The following DOCK5 variants were observed in gnomAD, a reference collection of about 807,000 sequenced individuals.
DOCK5 encodes dedicator of cytokinesis protein 5.
Under a neutral mutation model 251.8 loss-of-function variants are expected in DOCK5, and 142 were observed. That is an observed-to-expected ratio of 0.56 (90% confidence interval 0.49 to 0.65). DOCK5 has a LOEUF of 0.65. Among genes scored for constraint, DOCK5 ranks in the 30% least tolerant of loss-of-function variants. The pLI is 0.00. For synonymous variants in DOCK5, 842 were observed against 835.5 expected, an observed-to-expected ratio of 1.01 and a Z score of -0.13; for missense variants, 2,111 against 2,312.3, an observed-to-expected ratio of 0.91 and a Z score of 1.79.
At chr8:25,392,160 C>G (rs113308003) in intron 43 of DOCK5, among the ~76,000 whole-genome samples, 180 bp downstream of exon 43, 1 of 152,104 alleles carries the variant, frequency 6.6e-6, no homozygotes, top group Non-Finnish European at 1.5e-5. Context: ...AAAAATTAGC[C>G]GGGCGTGGTG....
intron 26 of DOCK5, among the ~76,000 whole-genome samples, chr8:25,348,622 G>A (rs559869698): frequency 6.6e-6 from 1 of 152,224 alleles, no homozygotes; most frequent in East Asian, 1.9e-4. Flanking sequence ...GGTAGATCAC[G>A]AGATCAGGAG....
rs1801633767 is a variant in DOCK5, at chr8:25,411,637, T to C, written c.*339T>C. On this transcript the variant is annotated 3_prime_UTR_variant, in exon 52 of 52. Transcript: ENST00000276440. ...GCCTGGACAAGTTCTTCCATATTGA[T>C]GGTGGAGCAACCCCTGTAATCTACT... 4.8e-6 allele frequency: 1 copy of C among 209,630 alleles called. No homozygotes were observed. Among genetic ancestry groups the C allele is most frequent in the African/African-American group, 2.3e-5 (1 of 43,706 alleles). The allele number at this position is 209,630 out of a possible 1,614,324, so 13.0% of individuals were successfully genotyped here.
Position 25,360,212 on chromosome 8 carries a change from G to A in DOCK5, c.2949+1151G>A, listed in dbSNP as rs532186139. 2.4e-4 allele frequency among the ~76,000 whole-genome samples: 36 copies of A among 152,326 alleles called. No individual in the cohort carries two copies. In the South Asian group the frequency reaches 7.0e-3, roughly 30 times the overall value. On this transcript the variant is annotated intron_variant, in intron 28 of 51. Transcript: ENST00000276440. ...CCCACCTTTCTGCCATGCCCACATGGTGGACAAACATACAAGGAATTGGAA... is the reference window on the plus strand; with the variant it reads ...CCCACCTTTCTGCCATGCCCACATGATGGACAAACATACAAGGAATTGGAA...
At chr8:25,312,232 A>G (rs1805117960) in intron 13 of DOCK5, among the ~76,000 whole-genome samples, 1 of 152,196 alleles carries the variant, frequency 6.6e-6, no homozygotes, top group East Asian at 1.9e-4. Flanking sequence ...ATTAGTAGTA[A>G]TATTCTCTAC....
intron 43 of DOCK5, among the ~76,000 whole-genome samples, chr8:25,392,347 A>G (rs7015833): frequency 0.35 from 52,607 of 150,892 alleles, 9,339 homozygotes; most frequent in Non-Finnish European, 0.36. Flanking sequence ...CCAAGTGGAG[A>G]TCTTCCACCT....
chr8:25,413,986 AAG>A lies in DOCK5; in HGVS notation c.*2692_*2693del, dbSNP rs1317048158. On this transcript the variant is annotated 3_prime_UTR_variant, in exon 52 of 52. Coordinates refer to ENST00000276440, the MANE Select transcript of DOCK5 (RefSeq NM_024940.8). ...AAGAGATAAGGAGCAAGGAGGAAAA[AAG>A]AGAAAGAATTGGTCTTTATTTTTCT... 6.6e-6 allele frequency: 1 copy of A among 152,202 alleles called. No individual in the cohort carries two copies. The highest frequency in any genetic ancestry group is 1.5e-5 in the Non-Finnish European group (1 of 68,044). 9.4% of individuals were successfully genotyped at this position (152,202 alleles called of 1,614,324 possible). A position where few individuals can be genotyped will look rare whatever the true frequency, so the allele number is the denominator to read the frequency against.
intron 1 of DOCK5, among the ~76,000 whole-genome samples, chr8:25,225,590 C>A (rs557674256): frequency 6.6e-6 from 1 of 151,846 alleles, no homozygotes; most frequent in East Asian, 1.9e-4. Flanking sequence ...CCTGTAGTCC[C>A]AGCTATTTGG....
intron 2 of DOCK5, among the ~76,000 whole-genome samples, chr8:25,264,551 C>T (rs186774776): frequency 1.3e-3 from 191 of 151,772 alleles, no homozygotes; most frequent in Non-Finnish European, 2.1e-3. Flanking sequence ...GGCAGCCAGG[C>T]ACAGTGGCTC....
At chr8:25,319,482 C>T (rs954828331) in intron 14 of DOCK5, 96 bp from the exon 15 acceptor site, 50 of 732,140 alleles carry the variant, frequency 6.8e-5, no homozygotes, top group Non-Finnish European at 1.0e-4. Context: ...CATGTGTGGA[C>T]GTGTTTGGGG....
intron 3 of DOCK5, among the ~76,000 whole-genome samples, chr8:25,274,506 G>A (rs1803992868): frequency 6.6e-6 from 1 of 152,130 alleles, no homozygotes; most frequent in Admixed American, 6.5e-5. Flanking sequence ...GTTAGATCTG[G>A]TCCTCTGTTC....
In DOCK5 at chr8:25,411,413, G is replaced by A; in HGVS notation, c.*115G>A. 1 of 1,298,218 alleles carries A rather than the reference G, an allele frequency of 7.7e-7. No individual in the cohort carries two copies. The highest frequency in any genetic ancestry group is 3.2e-5 in the East Asian group (1 of 31,720). The allele number at this position is 1,298,218 out of a possible 1,614,324, so 80.4% of individuals were successfully genotyped here. A position where few individuals can be genotyped will look rare whatever the true frequency, so the allele number is the denominator to read the frequency against. ...CCTGCTGACTGCATTTCCTGATCTGGGATGATGTTTACCAGCCCAAAACCA... is the reference window on the plus strand; with the variant it reads ...CCTGCTGACTGCATTTCCTGATCTGAGATGATGTTTACCAGCCCAAAACCA... On this transcript the variant is annotated 3_prime_UTR_variant, in exon 52 of 52. Coordinates refer to ENST00000276440, the MANE Select transcript of DOCK5 (RefSeq NM_024940.8).
chr8:25,355,285 T>C (rs1378469225), intron 27 of DOCK5, among the ~76,000 whole-genome samples: 1 of 152,200 alleles, frequency 6.6e-6, no homozygotes, highest in Non-Finnish European at 1.5e-5. Context: ...TAGCTTTTTC[T>C]ATAATTTCTA....
chr8:25,314,657 A>G (rs1486889092), intron 13 of DOCK5, among the ~76,000 whole-genome samples: 10 of 108,972 alleles, frequency 9.2e-5, no homozygotes, highest in Non-Finnish European at 1.1e-4. Flanking sequence ...CCGTCCACCT[A>G]TCCAACCTCT....
intron 1 of DOCK5, among the ~76,000 whole-genome samples, chr8:25,217,450 G>C (rs1302715589): frequency 6.6e-6 from 1 of 152,076 alleles, no homozygotes. Context: ...CTACCCCTGG[G>C]ACTTGCCCTG....
chr8:25,242,830 C>T (rs1050766692), intron 1 of DOCK5, among the ~76,000 whole-genome samples: 4 of 152,144 alleles, frequency 2.6e-5, no homozygotes, highest in Non-Finnish European at 4.4e-5. Context: ...ATCGTTGCAC[C>T]GTGCCCTGTG....
chr8:25,344,559 G>A (rs1296998664), intron 25 of DOCK5, among the ~76,000 whole-genome samples: 3 of 152,210 alleles, frequency 2.0e-5, no homozygotes, highest in Non-Finnish European at 4.4e-5. Flanking sequence ...CTCCAGTTCT[G>A]TGGAAGGAAG....
At chr8:25,235,524 C>G (rs1239187905) in intron 1 of DOCK5, among the ~76,000 whole-genome samples, 4 of 152,162 alleles carry the variant, frequency 2.6e-5, no homozygotes, top group African/African-American at 7.2e-5. Flanking sequence ...TCCCGAAATG[C>G]TGGGATTACA....
chr8:25,290,051 G>A (rs1451167054), intron 5 of DOCK5, among the ~76,000 whole-genome samples: 1 of 151,884 alleles, frequency 6.6e-6, no homozygotes, highest in African/African-American at 2.4e-5. Context: ...ATTATCTCAT[G>A]TGTGTATATA....
chr8:25,407,858 C>T, intron 48 of DOCK5, 125 bp from the exon 49 acceptor site: 1 of 1,005,382 alleles, frequency 9.9e-7, no homozygotes, highest in Non-Finnish European at 1.3e-6. Context: ...GAGAAAGACC[C>T]TGTCTCAAAA....
Sources: gnomAD v4.1 joint callset for allele counts (sites outside exome capture counted in the v4.1 genomes callset) on GRCh38, gnomAD v4.1.1 for gene constraint, MANE v1.5 for transcripts, NCBI Gene and HGNC (gene_info 2026-07-23, HGNC 2026-07-21) for gene names.